YPEL1: variants seen among roughly 807,000 people sequenced by gnomAD.
YPEL1 encodes protein yippee-like 1.
A neutral mutation model predicts 17.3 loss-of-function variants in YPEL1; 7 were observed. That is an observed-to-expected ratio of 0.40 (90% confidence interval 0.23 to 0.76). The LOEUF (loss-of-function observed/expected upper bound fraction) is 0.76, where lower values mean the gene tolerates loss of function less well. Among genes scored for constraint, YPEL1 ranks in the 30% least tolerant of loss-of-function variants. The pLI is 0.35. For synonymous variants in YPEL1, 59 were observed against 59.6 expected (o/e 0.99, Z 0.05); for missense variants, 91 against 155.5 (o/e 0.59, Z 2.21).
At chr22:21,708,106 G>C (rs1282828769) in intron 2 of YPEL1, among the ~76,000 whole-genome samples, 1 of 151,968 alleles carries the variant, frequency 6.6e-6, no homozygotes, top group Non-Finnish European at 1.5e-5. Flanking sequence ...GTTCTGCGTG[G>C]CAGGTGTTCT....
chr22:21,703,778 G>A lies in YPEL1; in HGVS notation c.161+61C>T. 2 of 1,566,794 alleles carry A rather than the reference G, an allele frequency of 1.3e-6. No individual in the cohort carries two copies. Among genetic ancestry groups the A allele is most frequent in the Non-Finnish European group, 1.7e-6 (2 of 1,149,066 alleles). On this transcript the variant is annotated intron_variant, in intron 3 of 4. Coordinates refer to ENST00000339468, the MANE Select transcript of YPEL1 (RefSeq NM_013313.5). The surrounding 1 kb of genome is among the most constrained non-coding windows in gnomAD (Gnocchi z 6.1). ...TGATTCTACACAGGGCACTGTGTAGGTGCCATCCAGGCCGTCCCAGGGCCC... is the reference window on the plus strand; with the variant it reads ...TGATTCTACACAGGGCACTGTGTAGATGCCATCCAGGCCGTCCCAGGGCCC...
At chr22:21,729,489 T>G (rs2068367583) in intron 1 of YPEL1, among the ~76,000 whole-genome samples, 1 of 149,962 alleles carries the variant, frequency 6.7e-6, no homozygotes, top group African/African-American at 2.5e-5. Flanking sequence ...TAGTCCCAGC[T>G]ACTTGGGAGG....
At chr22:21,714,931 C>T (rs964894528) in intron 1 of YPEL1, among the ~76,000 whole-genome samples, 9 of 152,054 alleles carry the variant, frequency 5.9e-5, no homozygotes, top group East Asian at 5.8e-4. Flanking sequence ...CTTACTGATT[C>T]GTAGGAGTAA....
chr22:21,709,934 T>C lies in YPEL1; in HGVS notation c.117+694A>G, dbSNP rs116759626. Among the ~76,000 whole-genome samples, 852 of 150,356 alleles carry C rather than the reference T, an allele frequency of 5.7e-3. 8 individuals carry two copies. Among genetic ancestry groups the C allele is most frequent in the African/African-American group, 0.019 (795 of 40,848 alleles). Reference sequence around the variant, plus strand: ...GACGTATGAGGATGCGGGGAGTTCATGACCTGAGGCTGGGGGGATGTCATG... The same window carrying C: ...GACGTATGAGGATGCGGGGAGTTCACGACCTGAGGCTGGGGGGATGTCATG... On this transcript the variant is annotated intron_variant, in intron 2 of 4. Coordinates refer to ENST00000339468, the MANE Select transcript of YPEL1 (RefSeq NM_013313.5).
chr22:21,714,409 C>T (rs1257909167), intron 1 of YPEL1, among the ~76,000 whole-genome samples: 2 of 152,142 alleles, frequency 1.3e-5, no homozygotes, highest in Non-Finnish European at 2.9e-5. Context: ...CACACTGCTG[C>T]GTGTTCCGTG....
intron 1 of YPEL1, among the ~76,000 whole-genome samples, chr22:21,726,695 C>A (rs941636528): frequency 6.6e-6 from 1 of 152,214 alleles, no homozygotes; most frequent in African/African-American, 2.4e-5. Context: ...AGATACCACC[C>A]CTGGTGGCTG....
At chr22:21,731,187 G>C (rs1436558190) in intron 1 of YPEL1, among the ~76,000 whole-genome samples, 3 of 151,892 alleles carry the variant, frequency 2.0e-5, no homozygotes, top group South Asian at 2.1e-4. Flanking sequence ...AGACCAGCCT[G>C]GGCAACATGG....
chr22:21,704,632 G>A (rs1047098231), intron 2 of YPEL1, among the ~76,000 whole-genome samples: 2 of 149,468 alleles, frequency 1.3e-5, no homozygotes, highest in African/African-American at 5.0e-5. Context: ...ACTCCAGCCT[G>A]GGCAACAAGA....
At chr22:21,734,337 T>C (rs1419029310) in intron 1 of YPEL1, among the ~76,000 whole-genome samples, 2 of 152,228 alleles carry the variant, frequency 1.3e-5, no homozygotes, top group African/African-American at 4.8e-5. Flanking sequence ...TTGGCAAGTG[T>C]ACCACAGCAG....
At chr22:21,711,853 A>C (rs1199235192) in intron 1 of YPEL1, among the ~76,000 whole-genome samples, 2 of 152,226 alleles carry the variant, frequency 1.3e-5, no homozygotes, top group African/African-American at 4.8e-5. Context: ...CAGCAAAAGA[A>C]AAACAGACAC....
In YPEL1 at chr22:21,698,771, C is replaced by T. The variant is rs1307669722; in HGVS notation, c.*2358G>A. The T allele has an allele frequency of 6.6e-6, 1 of 152,426 alleles. No homozygotes were observed. The highest frequency in any genetic ancestry group is 1.5e-5 in the Non-Finnish European group (1 of 68,068). The allele number at this position is 152,426 out of a possible 1,614,324, so 9.4% of individuals were successfully genotyped here. ...CTCTTCAGGCTTGAGACCATGGCAG[C>T]AAGAGCCCTGCAGCGTGCAGTGACC... On this transcript the variant is annotated 3_prime_UTR_variant, in exon 5 of 5. Coordinates refer to ENST00000339468, the MANE Select transcript of YPEL1 (RefSeq NM_013313.5).
In YPEL1 at chr22:21,710,768, G is replaced by T; in HGVS notation, c.-24C>A. On this transcript the variant is annotated 5_prime_UTR_variant, in exon 2 of 5. It adds an upstream start codon to the 5' untranslated region. Coordinates refer to ENST00000339468, the MANE Select transcript of YPEL1 (RefSeq NM_013313.5). ...ATCTCTCCTGGGCACTCCTCACTCA[G>T]CTCAGGGCTGGTTCTGGAAGAACCG... 1.9e-6 allele frequency: 3 copies of T among 1,600,650 alleles called. No homozygotes were observed. The highest frequency in any genetic ancestry group is 2.6e-6 in the Non-Finnish European group (3 of 1,167,818).
rs187750494 is a variant in YPEL1 at position 21,711,182 on chromosome 22, C to T, written c.-164-274G>A. ...GGATTACAGGAACACGCCACCAAGC[C>T]TGGCCTCCCAAAGTGCTGGGATTAC... On this transcript the variant is annotated intron_variant, in intron 1 of 4. Coordinates refer to ENST00000339468, the MANE Select transcript of YPEL1 (RefSeq NM_013313.5). Among the ~76,000 whole-genome samples, 7 of 152,210 alleles carry T rather than the reference C, an allele frequency of 4.6e-5. No individual in the cohort carries two copies. In the East Asian group the frequency reaches 1.4e-3, roughly 29 times the overall value.
intron 1 of YPEL1, among the ~76,000 whole-genome samples, chr22:21,722,260 T>C (rs1045334886): frequency 6.6e-6 from 1 of 152,016 alleles, no homozygotes. Flanking sequence ...CTACTAAAAA[T>C]ACAAAATTAG....
chr22:21,703,723 G>T lies in YPEL1; in HGVS notation c.161+116C>A. Reference sequence around the variant, plus strand: ...CAGAAACTCCCGGCGGGGGGATGGTGGGTTCTTTCAGGACCCCTAAAGACC... The same window carrying T: ...CAGAAACTCCCGGCGGGGGGATGGTTGGTTCTTTCAGGACCCCTAAAGACC... On this transcript the variant is annotated intron_variant, in intron 3 of 4. Transcript: ENST00000339468. The surrounding 1 kb of genome is among the most constrained non-coding windows in gnomAD (Gnocchi z 6.1). 1 of 1,181,054 alleles carries T rather than the reference G, an allele frequency of 8.5e-7. No homozygotes were observed. The allele number at this position is 1,181,054 out of a possible 1,614,324, so 73.2% of individuals were successfully genotyped here. A position where few individuals can be genotyped will look rare whatever the true frequency, so the allele number is the denominator to read the frequency against.
chr22:21,734,600 G>A (rs1022049901), intron 1 of YPEL1, among the ~76,000 whole-genome samples: 1 of 152,142 alleles, frequency 6.6e-6, no homozygotes, highest in East Asian at 1.9e-4. Context: ...CACCATGAAG[G>A]TCCTGGAGAT....
intron 4 of YPEL1, among the ~76,000 whole-genome samples, chr22:21,701,670 T>C (rs1242825133): frequency 6.6e-6 from 1 of 152,144 alleles, no homozygotes; most frequent in East Asian, 1.9e-4. Flanking sequence ...GTGGGACAAT[T>C]TAAGAGGCTT....
At chr22:21,716,517 G>C (rs567567836) in intron 1 of YPEL1, among the ~76,000 whole-genome samples, 157 of 152,362 alleles carry the variant, frequency 1.0e-3, no homozygotes, top group Middle Eastern at 3.4e-3. Context: ...CCACCCCACA[G>C]AGCAGTGATC....
In YPEL1 at chr22:21,701,081, A is replaced by C. The variant is rs746757620; in HGVS notation, c.*48T>G. On this transcript the variant is annotated 3_prime_UTR_variant, in exon 5 of 5. Coordinates refer to ENST00000339468, the MANE Select transcript of YPEL1 (RefSeq NM_013313.5). Reference sequence around the variant, plus strand: ...GCTCCTACGTTTCCATTACATTCACAGTTTCTTTCACAAAACAGCATTCAA... The same window carrying C: ...GCTCCTACGTTTCCATTACATTCACCGTTTCTTTCACAAAACAGCATTCAA... 4.6e-6 allele frequency: 7 copies of C among 1,532,570 alleles called. No homozygotes were observed. Among genetic ancestry groups the C allele is most frequent in the Non-Finnish European group, 6.3e-6 (7 of 1,107,004 alleles). The allele number at this position is 1,532,570 out of a possible 1,614,324, so 94.9% of individuals were successfully genotyped here. A position where few individuals can be genotyped will look rare whatever the true frequency, so the allele number is the denominator to read the frequency against.
Sources: gnomAD v4.1 joint callset for allele counts (sites outside exome capture counted in the v4.1 genomes callset) on GRCh38, gnomAD v4.1.1 for gene constraint, Gnocchi (gnomAD v3.1) non-coding constraint, MANE v1.5 for transcripts, NCBI Gene and HGNC (gene_info 2026-07-23, HGNC 2026-07-21) for gene names.